The following PPARGC1A variants were observed in gnomAD, a reference collection of about 807,000 sequenced individuals.
PPARGC1A encodes PPARG coactivator 1 alpha.
PPARGC1A carries 25 observed loss-of-function variants against 88.7 expected under a neutral mutation model. The ratio of observed to expected loss-of-function variants is 0.28; its 90% CI spans 0.21 to 0.39. The LOEUF (loss-of-function observed/expected upper bound fraction) is 0.39, where lower values mean the gene tolerates loss of function less well. Ranked by LOEUF, PPARGC1A falls within the 10% of genes least tolerant of loss-of-function variation. PPARGC1A has a pLI of 1.00. For synonymous variants in PPARGC1A, 363 were observed against 355.6 expected, an observed-to-expected ratio of 1.02 and a Z score of -0.24; for missense variants, 880 against 968.7, an observed-to-expected ratio of 0.91 and a Z score of 1.22.
At chr4:23,941,281 C>G in the PPARGC1A span, among the ~76,000 whole-genome samples, 49 of 152,276 alleles carry the variant, frequency 3.2e-4, no homozygotes, top group African/African-American at 1.1e-3. Context: ...TGGTTTTGAA[C>G]TCCTGGCCTC....
chr4:24,363,445 G>A, the PPARGC1A span, among the ~76,000 whole-genome samples: 4 of 152,106 alleles, frequency 2.6e-5, no homozygotes, highest in African/African-American at 9.7e-5. Context: ...TGTTATTAAC[G>A]TAACATTCAG....
At chr4:24,263,786 G>A in the PPARGC1A span, among the ~76,000 whole-genome samples, 1 of 152,110 alleles carries the variant, frequency 6.6e-6, no homozygotes, top group Non-Finnish European at 1.5e-5. Context: ...GTCTCACTCT[G>A]TCACCCAGGC....
chr4:24,430,777 T>C, the PPARGC1A span, among the ~76,000 whole-genome samples: 2 of 151,494 alleles, frequency 1.3e-5, no homozygotes, highest in African/African-American at 4.9e-5. Flanking sequence ...AAGGCAAGAG[T>C]CCAGAAGAGA....
At chr4:24,347,583 G>A in the PPARGC1A span, among the ~76,000 whole-genome samples, 18 of 152,134 alleles carry the variant, frequency 1.2e-4, no homozygotes, top group South Asian at 8.3e-4. Flanking sequence ...ACCCCTGCTC[G>A]CTTTTGTTGT....
the PPARGC1A span, among the ~76,000 whole-genome samples, chr4:23,949,246 G>A: frequency 2.0e-5 from 3 of 151,996 alleles, no homozygotes; most frequent in Non-Finnish European, 2.9e-5. Flanking sequence ...ACATGTCAAC[G>A]TAATTTCTAA....
the PPARGC1A span, among the ~76,000 whole-genome samples, chr4:24,323,496 C>T: frequency 6.6e-6 from 1 of 152,204 alleles, no homozygotes; most frequent in Admixed American, 6.5e-5. Flanking sequence ...CAGAAGCTCC[C>T]CCACTGAGCA....
the PPARGC1A span, among the ~76,000 whole-genome samples, chr4:24,194,145 A>T: frequency 6.6e-6 from 1 of 151,270 alleles, no homozygotes; most frequent in African/African-American, 2.4e-5. Context: ...AAAAAAAAAA[A>T]GTACACCAAT....
the PPARGC1A span, among the ~76,000 whole-genome samples, chr4:24,312,321 A>G: frequency 2.6e-5 from 4 of 152,066 alleles, no homozygotes; most frequent in Admixed American, 2.6e-4. Context: ...TTGCCATTCC[A>G]TTCATCCTGG....
chr4:24,159,261 A>G, the PPARGC1A span, among the ~76,000 whole-genome samples: 1 of 122,610 alleles, frequency 8.2e-6, no homozygotes, highest in Non-Finnish European at 1.6e-5. Context: ...GCCAGGCTGG[A>G]GTGCAATGGT....
intron 1 of PPARGC1A, among the ~76,000 whole-genome samples, chr4:23,885,139 C>CA (rs1716648759): frequency 6.6e-6 from 1 of 152,158 alleles, no homozygotes; most frequent in South Asian, 2.1e-4. Context: ...TTATTCCATC[C>CA]AAAAGCTACC....
chr4:24,141,394 C>T, the PPARGC1A span, among the ~76,000 whole-genome samples: 4 of 152,156 alleles, frequency 2.6e-5, no homozygotes, highest in African/African-American at 9.7e-5. Flanking sequence ...CCATCATCAG[C>T]GTTGACTCTA....
the PPARGC1A span, among the ~76,000 whole-genome samples, chr4:24,068,667 G>T: frequency 6.6e-6 from 1 of 152,148 alleles, no homozygotes; most frequent in African/African-American, 2.4e-5. Flanking sequence ...CACAGACCTG[G>T]CCTAAATTGA....
At chr4:24,265,078 G>A in the PPARGC1A span, among the ~76,000 whole-genome samples, 1 of 152,142 alleles carries the variant, frequency 6.6e-6, no homozygotes, top group Non-Finnish European at 1.5e-5. Flanking sequence ...GAACCCTTTG[G>A]CATGGAAAAC....
At chr4:24,407,658 T>C in the PPARGC1A span, among the ~76,000 whole-genome samples, 1 of 152,200 alleles carries the variant, frequency 6.6e-6, no homozygotes, top group Non-Finnish European at 1.5e-5. Context: ...CAAGAACTAA[T>C]CCCTTTTGGA....
the PPARGC1A span, among the ~76,000 whole-genome samples, chr4:23,951,717 C>T: frequency 2.0e-5 from 3 of 152,126 alleles, no homozygotes; most frequent in Non-Finnish European, 4.4e-5. Context: ...CTCTCCTAAA[C>T]TCTTCAATTT....
chr4:23,805,011 T>C (rs1185027791), intron 10 of PPARGC1A, among the ~76,000 whole-genome samples: 3 of 152,324 alleles, frequency 2.0e-5, no homozygotes, highest in South Asian at 2.1e-4. Flanking sequence ...GTAGAGACCA[T>C]ATCTGTTCTA....
At chr4:24,147,072 T>A in the PPARGC1A span, among the ~76,000 whole-genome samples, 1 of 152,162 alleles carries the variant, frequency 6.6e-6, no homozygotes, top group Admixed American at 6.5e-5. Context: ...GGAACTCTGA[T>A]TCAGGTGAAC....
At chr4:23,962,661 T>C in the PPARGC1A span, among the ~76,000 whole-genome samples, 1 of 152,204 alleles carries the variant, frequency 6.6e-6, no homozygotes, top group Non-Finnish European at 1.5e-5. Flanking sequence ...AATGGCTTAC[T>C]GCATGAATTT....
At chr4:23,909,163 A>G in the PPARGC1A span, among the ~76,000 whole-genome samples, 1 of 152,190 alleles carries the variant, frequency 6.6e-6, no homozygotes, top group South Asian at 2.1e-4. Flanking sequence ...GTCAGGCCCT[A>G]TGAAGACTTT....
Sources: allele counts gnomAD v4.1 joint callset (sites outside exome capture counted in the v4.1 genomes callset), GRCh38; gene constraint gnomAD v4.1.1; transcripts MANE v1.5; gene names NCBI Gene and HGNC (gene_info 2026-07-23, HGNC 2026-07-21).